The following EPHA6 variants were observed in gnomAD, a reference collection of about 807,000 sequenced individuals.
EPHA6 encodes the protein ephrin type-A receptor 6.
A neutral mutation model predicts 112.0 loss-of-function variants in EPHA6; 50 were observed. The ratio of observed to expected loss-of-function variants is 0.45; its 90% CI spans 0.36 to 0.56. EPHA6 has a LOEUF of 0.56. EPHA6 is among the 20% of genes least tolerant of loss of function. The pLI is 0.00. For synonymous variants in EPHA6, 529 were observed against 490.7 expected (o/e 1.08, Z -1.03); for missense variants, 1,280 against 1,417.4 (o/e 0.90, Z 1.56).
chr3:97,491,469 A>T (rs1429258043), intron 10 of EPHA6, among the ~76,000 whole-genome samples: 1 of 152,152 alleles, frequency 6.6e-6, no homozygotes, highest in Non-Finnish European at 1.5e-5. Flanking sequence ...GGGGGGTCAG[A>T]TGATCAACTG....
At chr3:96,966,270 A>T (rs1212185446) in intron 2 of EPHA6, among the ~76,000 whole-genome samples, 1 of 152,026 alleles carries the variant, frequency 6.6e-6, no homozygotes, top group Non-Finnish European at 1.5e-5. Context: ...GATTACAGTA[A>T]CCCATCCAAG....
chr3:97,323,784 AAC>A (rs2108791672), intron 5 of EPHA6, among the ~76,000 whole-genome samples: 1 of 152,134 alleles, frequency 6.6e-6, no homozygotes, highest in South Asian at 2.1e-4. Context: ...GGGAGAAAGA[AAC>A]ACAGTTTGAA....
At chr3:97,383,993 A>G (rs2085905688) in intron 5 of EPHA6, among the ~76,000 whole-genome samples, 1 of 152,200 alleles carries the variant, frequency 6.6e-6, no homozygotes, top group Non-Finnish European at 1.5e-5. Context: ...TCTCTCACAT[A>G]TGAAGAAATA....
chr3:97,470,620 T>C (rs916563444), intron 7 of EPHA6, among the ~76,000 whole-genome samples: 1 of 151,646 alleles, frequency 6.6e-6, no homozygotes, highest in African/African-American at 2.4e-5. Context: ...TTCCTAAAGA[T>C]ATGAAATCTC....
At chr3:97,006,393 T>C (rs2043879966) in intron 3 of EPHA6, among the ~76,000 whole-genome samples, 1 of 152,206 alleles carries the variant, frequency 6.6e-6, no homozygotes, top group Admixed American at 6.5e-5. Context: ...TTTATTTGCA[T>C]AGAGATGTTT....
At chr3:97,483,138 T>A (rs1044805511) in intron 9 of EPHA6, among the ~76,000 whole-genome samples, 1 of 152,192 alleles carries the variant, frequency 6.6e-6, no homozygotes, top group African/African-American at 2.4e-5. Flanking sequence ...GGGATATTCA[T>A]GGGCAGAGGC....
chr3:96,816,716 A>G (rs1050781181), intron 1 of EPHA6, among the ~76,000 whole-genome samples: 11 of 152,046 alleles, frequency 7.2e-5, no homozygotes, highest in Non-Finnish European at 1.5e-4. Context: ...CCCTAGGCCC[A>G]GGGGATACTA....
intron 2 of EPHA6, among the ~76,000 whole-genome samples, chr3:96,922,858 G>A (rs1220240264): frequency 1.3e-5 from 2 of 152,070 alleles, no homozygotes; most frequent in Admixed American, 1.3e-4. Flanking sequence ...AAGTTTCCAT[G>A]TGTTCCCATC....
chr3:97,561,475 T>C (rs1293267855), intron 11 of EPHA6, among the ~76,000 whole-genome samples: 1 of 152,048 alleles, frequency 6.6e-6, no homozygotes, highest in Non-Finnish European at 1.5e-5. Flanking sequence ...TAAGCCAAAG[T>C]CTGATGGAGA....
chr3:96,893,031 A>G (rs2038064692), intron 2 of EPHA6, among the ~76,000 whole-genome samples: 1 of 151,882 alleles, frequency 6.6e-6, no homozygotes, highest in African/African-American at 2.4e-5. Context: ...AAAACCACAT[A>G]CATGTGATGA....
chr3:96,986,018 A>T (rs1329888772), intron 2 of EPHA6, among the ~76,000 whole-genome samples: 1 of 152,102 alleles, frequency 6.6e-6, no homozygotes, highest in Non-Finnish European at 1.5e-5. Context: ...TTTTCAGTAT[A>T]CTCTAATAGA....
rs547320829 is a variant in EPHA6 at position 97,716,780 on chromosome 3, A to G, written c.2785-3481A>G. Among the ~76,000 whole-genome samples the G allele has an allele frequency of 2.0e-5, 3 of 152,278 alleles. No individual in the cohort carries two copies. In the East Asian group the frequency reaches 5.8e-4, roughly 29 times the overall value. ...TATCCCTATTCCATGTATGCTCAGA[A>G]TTATTCCAGTTTGTGCATACCATCA... On this transcript the variant is annotated intron_variant, in intron 14 of 17. Transcript: ENST00000389672.
At chr3:97,411,651 T>C (rs570834668) in intron 6 of EPHA6, among the ~76,000 whole-genome samples, 2 of 152,194 alleles carry the variant, frequency 1.3e-5, no homozygotes, top group South Asian at 4.1e-4. Context: ...GAAACATCTT[T>C]CTTTTCTATC....
At chr3:97,744,911 A>T (rs961678208) in intron 16 of EPHA6, among the ~76,000 whole-genome samples, 2 of 152,080 alleles carry the variant, frequency 1.3e-5, no homozygotes, top group Admixed American at 1.3e-4. Flanking sequence ...AACTACTTTG[A>T]CAAGTATTTA....
chr3:97,047,977 A>G (rs898855436), intron 3 of EPHA6, among the ~76,000 whole-genome samples: 1 of 152,184 alleles, frequency 6.6e-6, no homozygotes, highest in African/African-American at 2.4e-5. Context: ...ATTCTCAAAT[A>G]TATATTATAT....
Position 97,004,273 on chromosome 3 carries a change from A to T in EPHA6, c.1114+16280A>T, listed in dbSNP as rs145729627. Among the ~76,000 whole-genome samples the T allele has an allele frequency of 1.2e-4, 18 of 152,214 alleles. No individual in the cohort carries two copies. In the East Asian group the frequency reaches 3.5e-3, roughly 29 times the overall value. On this transcript the variant is annotated intron_variant, in intron 3 of 17. Transcript: ENST00000389672. ...ACATTCACACCAACGATGTAAAAGC[A>T]TTCCTATTTCTCCACAGCCTCACCA...
chr3:96,889,293 G>A (rs181164364), intron 2 of EPHA6, among the ~76,000 whole-genome samples: 1 of 152,024 alleles, frequency 6.6e-6, no homozygotes, highest in African/African-American at 2.4e-5. Flanking sequence ...CACATTTTTG[G>A]GTATCTTTTC....
At chr3:97,617,144 G>T (rs1054810732) in intron 13 of EPHA6, among the ~76,000 whole-genome samples, 1 of 152,004 alleles carries the variant, frequency 6.6e-6, no homozygotes, top group Admixed American at 6.6e-5. Context: ...AAAGGAAAGA[G>T]ATTCCAACCC....
intron 10 of EPHA6, among the ~76,000 whole-genome samples, chr3:97,495,895 T>C (rs2091964436): frequency 6.6e-6 from 1 of 152,188 alleles, no homozygotes; most frequent in Non-Finnish European, 1.5e-5. Flanking sequence ...AAGTTTAATG[T>C]CTACAGTTAT....
Sources: allele counts gnomAD v4.1 joint callset (sites outside exome capture counted in the v4.1 genomes callset), GRCh38; gene constraint gnomAD v4.1.1; transcripts MANE v1.5; gene names NCBI Gene and HGNC (gene_info 2026-07-23, HGNC 2026-07-21).